CDC14A: variants seen among roughly 807,000 people sequenced by gnomAD.
CDC14A encodes dual specificity protein phosphatase CDC14A.
A neutral mutation model predicts 74.4 loss-of-function variants in CDC14A; 53 were observed. The ratio of observed to expected loss-of-function variants is 0.71; its 90% CI spans 0.57 to 0.89. CDC14A has a LOEUF of 0.89. CDC14A is among the 40% of genes least tolerant of loss of function. The probability of loss-of-function intolerance (pLI) is 0.00; values close to 1 mark genes in which losing one functional copy is unlikely to be tolerated. For synonymous variants in CDC14A, 247 were observed against 258.4 expected, an observed-to-expected ratio of 0.96 and a Z score of 0.43; for missense variants, 646 against 713.7, an observed-to-expected ratio of 0.91 and a Z score of 1.08.
At chr1:100,393,754 G>A in intron 4 of CDC14A, 1 of 330,600 alleles carries the variant, frequency 3.0e-6, no homozygotes, top group Non-Finnish European at 5.9e-6. Flanking sequence ...AAGAGACGGA[G>A]ACCATCCTGA....
chr1:100,415,026 C>T (rs1661352409), intron 4 of CDC14A, among the ~76,000 whole-genome samples: 1 of 152,114 alleles, frequency 6.6e-6, no homozygotes, highest in African/African-American at 2.4e-5. Context: ...AGCATTGTGT[C>T]ACTGAGACAA....
At chr1:100,478,944 A>T (rs1669188197) in intron 10 of CDC14A, among the ~76,000 whole-genome samples, 1 of 152,116 alleles carries the variant, frequency 6.6e-6, no homozygotes, top group Non-Finnish European at 1.5e-5. Flanking sequence ...GAGACCTGAG[A>T]GTGTGCATTT....
At chr1:100,494,214 A>C (rs888455188) in intron 11 of CDC14A, among the ~76,000 whole-genome samples, 1 of 152,144 alleles carries the variant, frequency 6.6e-6, no homozygotes, top group Non-Finnish European at 1.5e-5. Context: ...AGGGCTATTG[A>C]AGAGACTAGC....
intron 2 of CDC14A, among the ~76,000 whole-genome samples, chr1:100,364,204 T>A (rs574938448): frequency 6.6e-6 from 1 of 152,216 alleles, no homozygotes; most frequent in South Asian, 2.1e-4. Context: ...GATCATCTTT[T>A]TTTTTTTTAA....
chr1:100,376,535 A>G (rs1252750288), intron 2 of CDC14A, among the ~76,000 whole-genome samples: 1 of 152,150 alleles, frequency 6.6e-6, no homozygotes, highest in Non-Finnish European at 1.5e-5. Context: ...AGTTTTAGAT[A>G]TTTTGAGTTC....
At chr1:100,408,395 T>A (rs909600208) in intron 4 of CDC14A, among the ~76,000 whole-genome samples, 2 of 152,218 alleles carry the variant, frequency 1.3e-5, no homozygotes, top group Non-Finnish European at 2.9e-5. Context: ...CATGTGTCTT[T>A]ATGACAGAAT....
In CDC14A at chr1:100,362,549, G is replaced by C. The variant is rs1163460088; in HGVS notation, c.140+8697G>C. On this transcript the variant is annotated intron_variant, in intron 2 of 15. Transcript: ENST00000336454. ...TGTATTGAACATTTTTCTCTCTTTG[G>C]TCATTTTGGTTGTTTCCTATGTCTT... is the stretch of plus-strand genomic sequence containing the variant. Among the ~76,000 whole-genome samples the C allele has an allele frequency of 2.0e-5, 3 of 152,036 alleles. No homozygotes were observed. The East Asian group carries it at 5.8e-4, about 29-fold the overall frequency.
intron 6 of CDC14A, among the ~76,000 whole-genome samples, chr1:100,441,096 T>C (rs780233885): frequency 2.0e-5 from 3 of 152,212 alleles, no homozygotes; most frequent in Non-Finnish European, 4.4e-5. Flanking sequence ...TTATTTTGCC[T>C]TTTCTACCAT....
intron 7 of CDC14A, among the ~76,000 whole-genome samples, chr1:100,444,686 C>T (rs1025694460): frequency 3.3e-5 from 5 of 152,184 alleles, no homozygotes; most frequent in Non-Finnish European, 1.5e-5. Flanking sequence ...GATTACATCT[C>T]ACCTCTGGAG....
intron 2 of CDC14A, among the ~76,000 whole-genome samples, chr1:100,368,616 G>A (rs1001561138): frequency 6.6e-6 from 1 of 152,144 alleles, no homozygotes; most frequent in African/African-American, 2.4e-5. Context: ...TTAGATTCAG[G>A]GGTATATGTG....
chr1:100,426,497 A>C (rs1294605763), intron 5 of CDC14A, among the ~76,000 whole-genome samples: 1 of 152,246 alleles, frequency 6.6e-6, no homozygotes, highest in Non-Finnish European at 1.5e-5. Context: ...AATTGATTTC[A>C]ATTCTACATA....
intron 2 of CDC14A, among the ~76,000 whole-genome samples, chr1:100,354,952 G>T (rs1651679178): frequency 6.6e-6 from 1 of 152,188 alleles, no homozygotes; most frequent in Non-Finnish European, 1.5e-5. Context: ...CATCATAGAG[G>T]TTCTTGAAAC....
chr1:100,423,541 T>A (rs1241947944), intron 4 of CDC14A, among the ~76,000 whole-genome samples: 3 of 152,242 alleles, frequency 2.0e-5, no homozygotes, highest in African/African-American at 7.2e-5. Flanking sequence ...GCCTGGCATA[T>A]ACTATATACT....
chr1:100,517,039 G>T (rs1303804059), intron 15 of CDC14A, among the ~76,000 whole-genome samples: 1 of 152,146 alleles, frequency 6.6e-6, no homozygotes, highest in Non-Finnish European at 1.5e-5. Flanking sequence ...TGTCGACACC[G>T]CTGTCTTTTC....
intron 2 of CDC14A, among the ~76,000 whole-genome samples, chr1:100,366,722 A>C (rs920824898): frequency 3.9e-5 from 6 of 152,130 alleles, no homozygotes; most frequent in African/African-American, 1.4e-4. Context: ...CAAATGCTCC[A>C]ATTCTTTTAG....
intron 3 of CDC14A, among the ~76,000 whole-genome samples, chr1:100,382,758 T>G (rs1044804380): frequency 2.6e-5 from 4 of 152,196 alleles, no homozygotes; most frequent in Admixed American, 2.6e-4. Flanking sequence ...AATTTTAAAT[T>G]TACAAAACAT....
intron 3 of CDC14A, among the ~76,000 whole-genome samples, chr1:100,384,622 C>T (rs1227478039): frequency 6.6e-6 from 1 of 152,212 alleles, no homozygotes; most frequent in Admixed American, 6.5e-5. Context: ...TGATGGAACC[C>T]ATAGAACCTT....
intron 9 of CDC14A, among the ~76,000 whole-genome samples, chr1:100,464,351 GGCTCATTTGTGGGT>G (rs1667596379): frequency 6.6e-6 from 1 of 152,158 alleles, no homozygotes; most frequent in Admixed American, 6.5e-5. Flanking sequence ...GTCACTTGCT[GGCTCATTTGTGGGT>G]GCTGCTTTCA....
intron 2 of CDC14A, among the ~76,000 whole-genome samples, chr1:100,372,276 G>A (rs1654585261): frequency 6.6e-6 from 1 of 152,144 alleles, no homozygotes; most frequent in African/African-American, 2.4e-5. Flanking sequence ...GGTGGCTGTG[G>A]CAATTTCTTA....
Sources: gnomAD v4.1 joint callset for allele counts (sites outside exome capture counted in the v4.1 genomes callset) on GRCh38, gnomAD v4.1.1 for gene constraint, MANE v1.5 for transcripts, NCBI Gene and HGNC (gene_info 2026-07-23, HGNC 2026-07-21) for gene names.